SPTBN4: variants seen among roughly 807,000 people sequenced by gnomAD.
The protein encoded by SPTBN4 is spectrin beta, non-erythrocytic 4.
A neutral mutation model predicts 277.8 loss-of-function variants in SPTBN4; 96 were observed. That is an observed-to-expected ratio of 0.35 (90% CI 0.29 to 0.41). The LOEUF (loss-of-function observed/expected upper bound fraction) is 0.41. SPTBN4 is among the 10% of genes least tolerant of loss of function. The pLI is 1.00. For missense variants in SPTBN4, 3,006 were observed against 3,595.7 expected (o/e 0.84, Z 4.19); for synonymous variants, 1,481 against 1,580.3 (o/e 0.94, Z 1.49).
rs1192383560 is a variant in SPTBN4, at chr19:40,515,059, C to T, written c.2766-252C>T. ...GGCAGAGGTTGCAGTGAGCCACAATCGCGCCACTGCACTCCAGCCTGGGTG... is the reference window on the plus strand; with the variant it reads ...GGCAGAGGTTGCAGTGAGCCACAATTGCGCCACTGCACTCCAGCCTGGGTG... On this transcript the variant is annotated intron_variant, in intron 14 of 35. Transcript: ENST00000598249. The surrounding 1 kb of genome is among the most constrained non-coding windows in gnomAD (Gnocchi z 4.1). Among the ~76,000 whole-genome samples, 1 of 152,072 alleles carries T rather than the reference C, an allele frequency of 6.6e-6. No homozygotes were observed. Among genetic ancestry groups the T allele is most frequent in the African/African-American group, 2.4e-5 (1 of 41,408 alleles).
intron 5 of SPTBN4, 37 bp from the exon 6 acceptor site, chr19:40,494,860 C>T: frequency 1.3e-6 from 2 of 1,595,416 alleles, no homozygotes; most frequent in Non-Finnish European, 1.7e-6. Flanking sequence ...CCTAACTCTC[C>T]CCATCTCTGC....
chr19:40,474,633 C>T (rs566919291), intron 2 of SPTBN4, among the ~76,000 whole-genome samples: 7 of 151,856 alleles, frequency 4.6e-5, no homozygotes, highest in East Asian at 3.9e-4. Context: ...AGCATGGTGG[C>T]GGATGCCTGT....
At chr19:40,509,138 T>C (rs1283838919) in intron 13 of SPTBN4, among the ~76,000 whole-genome samples, 3 of 150,032 alleles carry the variant, frequency 2.0e-5, no homozygotes, top group African/African-American at 7.4e-5. Flanking sequence ...CCCAGGCTGG[T>C]CTTGAACTCC....
Position 40,549,376 on chromosome 19 carries a change from A to G in SPTBN4, c.4547A>G (p.Glu1516Gly). The change falls in exon 21 of 36, where the codon GAG (glutamate) becomes GGG (glycine). Residue 1516 changes from glutamate to glycine, a missense_variant. This residue lies in a region of SPTBN4 where 1,759 missense variants were observed against 2,061.5 expected (regional missense o/e 0.85). Transcript: ENST00000598249. ...CGCCGCTTGCTGCTGGCTTCCAAGGAGTTGCACCAGGTGGCGCACGACCTG... is the reference window on the plus strand; with the variant it reads ...CGCCGCTTGCTGCTGGCTTCCAAGGGGTTGCACCAGGTGGCGCACGACCTG... The part of the protein sequence containing the change: ...ERRRLLLASK[E>G]LHQVAHDLDD... 1 of 1,306,998 alleles carries G rather than the reference A, an allele frequency of 7.7e-7. No homozygotes were observed. Among genetic ancestry groups the G allele is most frequent in the South Asian group, 1.2e-5 (1 of 80,440 alleles). 81.0% of individuals were successfully genotyped at this position (1,306,998 alleles called of 1,614,324 possible).
At chr19:40,489,216 CAAA>C (rs541919529) in intron 3 of SPTBN4, among the ~76,000 whole-genome samples, 3 of 54,790 alleles carry the variant, frequency 5.5e-5, no homozygotes, top group Admixed American at 1.7e-4. Flanking sequence ...CAACAAAAGC[CAAA>C]AAAAAAAAAA....
At chr19:40,477,167 G>A (rs1296283895) in intron 2 of SPTBN4, among the ~76,000 whole-genome samples, 1 of 151,722 alleles carries the variant, frequency 6.6e-6, no homozygotes. Context: ...AGCCTCCCAA[G>A]TAGCTGAGAC....
intron 31 of SPTBN4, among the ~76,000 whole-genome samples, chr19:40,568,734 T>C (rs985276520): frequency 6.6e-6 from 1 of 152,194 alleles, no homozygotes; most frequent in Non-Finnish European, 1.5e-5. Context: ...CTAGGGCAAC[T>C]GAGGCACAAA....
At position 40,567,858 on chromosome 19, in the gene SPTBN4, T is replaced by A. The variant is rs1233346444; in HGVS notation, c.6532T>A (p.Tyr2178Asn). 6.6e-7 allele frequency: 1 copy of A among 1,524,478 alleles called. No homozygotes were observed. Among genetic ancestry groups the A allele is most frequent in the East Asian group, 2.6e-5 (1 of 37,794 alleles). 94.4% of individuals were successfully genotyped at this position (1,524,478 alleles called of 1,614,324 possible). A position where few individuals can be genotyped will look rare whatever the true frequency, so the allele number is the denominator to read the frequency against. ...LSAEVRTRVGYVRQELKPERL... is the reference protein window; with the variant it reads ...LSAEVRTRVGNVRQELKPERL... ...GGCCGAGGTGCGGACTCGGGTGGGG[T>A]ATGTGCGCCAGGAGCTCAAGCCCGA... The change falls in exon 31 of 36, where the codon TAT becomes AAT. Residue 2178 changes from tyrosine to asparagine, a missense_variant. Tyr to Asn is a moderately radical substitution (Grantham distance 143, BLOSUM62 -2). Transcript: ENST00000598249.
intron 1 of SPTBN4, among the ~76,000 whole-genome samples, chr19:40,468,524 G>A (rs994749795): frequency 7.2e-5 from 11 of 152,128 alleles, no homozygotes; most frequent in Admixed American, 2.0e-4. Flanking sequence ...CTACAGACAC[G>A]TGCCACCACG....
intron 22 of SPTBN4, among the ~76,000 whole-genome samples, chr19:40,553,202 G>A (rs1357351897): frequency 4.6e-5 from 7 of 152,174 alleles, no homozygotes; most frequent in South Asian, 2.1e-4. Context: ...TTGGCTGGCC[G>A]GGCACAGTGG....
intron 27 of SPTBN4, among the ~76,000 whole-genome samples, chr19:40,563,742 C>G (rs751042575): frequency 7.2e-6 from 1 of 139,636 alleles, no homozygotes; most frequent in African/African-American, 2.7e-5. Flanking sequence ...AACAAAGAAA[C>G]AAAACTATTA....
At chr19:40,492,671 C>T (rs571076479) in intron 4 of SPTBN4, among the ~76,000 whole-genome samples, 122 of 152,094 alleles carry the variant, frequency 8.0e-4, no homozygotes, top group Non-Finnish European at 1.4e-3. Context: ...TGAAGGCCAC[C>T]GCACTAGCCT....
chr19:40,540,314 G>A (rs1213314931), intron 20 of SPTBN4, among the ~76,000 whole-genome samples: 1 of 152,020 alleles, frequency 6.6e-6, no homozygotes, highest in South Asian at 2.1e-4. Flanking sequence ...CTTCCCTTTG[G>A]TTGTTACTTA....
chr19:40,484,423 T>A (rs1201968156), intron 2 of SPTBN4, among the ~76,000 whole-genome samples: 1 of 152,184 alleles, frequency 6.6e-6, no homozygotes, highest in Non-Finnish European at 1.5e-5. Context: ...GACTTCACAG[T>A]ACAGTGGCTT....
chr19:40,512,354 G>A (rs537314523), intron 13 of SPTBN4, among the ~76,000 whole-genome samples: 11 of 152,324 alleles, frequency 7.2e-5, no homozygotes, highest in Admixed American at 5.9e-4. Context: ...TCAGTCCAGT[G>A]GGGGAGACAG....
In SPTBN4 at chr19:40,490,006, T is replaced by C; in HGVS notation, c.322-69T>C. ...ACGGGAGGCGGGCTTCTTTGGAAGC[T>C]GCGGGGCCGAGGGCGCCATACTCCT... On this transcript the variant is annotated intron_variant, in intron 3 of 35. Transcript: ENST00000598249. This position sits in a 1 kb window ranked among gnomAD's most constrained non-coding sequence, Gnocchi z 4.3. 1 of 1,459,032 alleles carries C rather than the reference T, an allele frequency of 6.9e-7. No individual in the cohort carries two copies. The highest frequency in any genetic ancestry group is 1.4e-5 in the South Asian group (1 of 69,988). 90.4% of individuals were successfully genotyped at this position (1,459,032 alleles called of 1,614,324 possible).
chr19:40,568,501 G>A (rs1424385553), intron 31 of SPTBN4, among the ~76,000 whole-genome samples: 1 of 152,170 alleles, frequency 6.6e-6, no homozygotes, highest in Non-Finnish European at 1.5e-5. Context: ...GAAAGAAAAG[G>A]CAGACTGCCT....
intron 2 of SPTBN4, among the ~76,000 whole-genome samples, chr19:40,480,873 G>T (rs774073050): frequency 1.4e-4 from 21 of 152,052 alleles, no homozygotes; most frequent in Non-Finnish European, 3.1e-4. Flanking sequence ...GACCAGCCTG[G>T]GCAATACAGT....
chr19:40,569,312 C>T (rs551233536), intron 31 of SPTBN4, among the ~76,000 whole-genome samples: 1 of 151,690 alleles, frequency 6.6e-6, no homozygotes, highest in East Asian at 1.9e-4. Context: ...GTAGTACCAG[C>T]TACTTGGGAG....
Sources: gnomAD v4.1 joint callset for allele counts (sites outside exome capture counted in the v4.1 genomes callset) on GRCh38, gnomAD v4.1.1 for gene constraint, gnomAD v4.1.1 regional missense constraint, Gnocchi (gnomAD v3.1) non-coding constraint, MANE v1.5 for transcripts, NCBI Gene and HGNC (gene_info 2026-07-23, HGNC 2026-07-21) for gene names.